TBC1D9B: variants seen among roughly 807,000 people sequenced by gnomAD.
The protein encoded by TBC1D9B is TBC1 domain family member 9B.
Under a neutral mutation model 121.1 loss-of-function variants are expected in TBC1D9B, and 87 were observed. The ratio of observed to expected loss-of-function variants is 0.72; its 90% CI spans 0.60 to 0.86. The LOEUF (loss-of-function observed/expected upper bound fraction) is 0.86, where lower values mean the gene tolerates loss of function less well. TBC1D9B is among the 40% of genes least tolerant of loss of function. The probability of loss-of-function intolerance (pLI) is 0.00; values close to 1 mark genes in which losing one functional copy is unlikely to be tolerated. For synonymous variants in TBC1D9B, 668 were observed against 670.1 expected (o/e 1.00, Z 0.05); for missense variants, 1,540 against 1,628.6 (o/e 0.95, Z 0.94).
intron 7 of TBC1D9B, among the ~76,000 whole-genome samples, chr5:179,886,427 T>C (rs1048696473): frequency 3.9e-5 from 6 of 152,096 alleles, no homozygotes; most frequent in African/African-American, 1.2e-4. Flanking sequence ...TGGGGCCTCA[T>C]GGAGGCAGAG....
chr5:179,894,449 G>T lies in TBC1D9B; in HGVS notation c.514C>A (p.Gln172Lys). The T allele has an allele frequency of 6.2e-7, 1 of 1,614,130 alleles. No homozygotes were observed. Among genetic ancestry groups the T allele is most frequent in the South Asian group, 1.1e-5 (1 of 91,082 alleles). Reference protein sequence around the residue: ...CSYWKGRVPRQGWLYLTVNHL... With the variant: ...CSYWKGRVPRKGWLYLTVNHL... ...TTGACCGTCAGGTACAGCCAGCCCT[G>T]CCGGGGCACGCGGCCCTTCCAGTAG... The change falls in exon 4 of 21, where the codon CAG (glutamine) becomes AAG (lysine). Residue 172 changes from glutamine to lysine, a missense_variant. Gln to Lys is a moderately conservative substitution (Grantham distance 53). Coordinates refer to ENST00000355235, the MANE Select transcript of TBC1D9B (RefSeq NM_015043.4).
intron 8 of TBC1D9B, chr5:179,879,414 TG>T: frequency 9.9e-7 from 1 of 1,011,796 alleles, no homozygotes; most frequent in Non-Finnish European, 1.4e-6. Flanking sequence ...TTCAGAGGCC[TG>T]GAGTCCGTGG....
chr5:179,887,620 C>T (rs1024662120), intron 7 of TBC1D9B: 19 of 168,420 alleles, frequency 1.1e-4, no homozygotes, highest in Non-Finnish European at 1.8e-4. Flanking sequence ...TTCAAATAAT[C>T]AAACCGTGAA....
rs746197345 is a variant in TBC1D9B, at chr5:179,875,156, C to T, written c.1932G>A (p.Glu644=). 1.9e-6 allele frequency: 3 copies of T among 1,613,702 alleles called. No individual in the cohort carries two copies. The highest frequency in any genetic ancestry group is 2.5e-6 in the Non-Finnish European group (3 of 1,180,028). The change falls in exon 12 of 21, where the codon GAG becomes GAA. Residue 644 remains glutamate, a synonymous_variant. Coordinates refer to ENST00000355235, the MANE Select transcript of TBC1D9B (RefSeq NM_015043.4). This position sits in a 1 kb window ranked among gnomAD's most constrained non-coding sequence, Gnocchi z 4.5. ...GCTGCGGCAGGAAGTCTCTCGTGAG[C>T]TCTTCGAAGATGCCTTGGTCCACCA... ...GALVDQGIFE[E]LTRDFLPQLS...
intron 17 of TBC1D9B, 196 bp from the exon 18 acceptor site, chr5:179,868,045 C>CTT (rs982009045): frequency 1.1e-3 from 416 of 363,114 alleles, no homozygotes; most frequent in East Asian, 2.3e-3. Flanking sequence ...CTTTCCTCAG[C>CTT]TTTTTTTTTT....
chr5:179,876,138 A>C, intron 10 of TBC1D9B, 101 bp from the exon 11 acceptor site: 1 of 800,344 alleles, frequency 1.2e-6, no homozygotes, highest in Admixed American at 3.3e-5. Context: ...GCAAGGGCCC[A>C]CATGATCTTC....
At chr5:179,892,011 T>C (rs549819533) in intron 5 of TBC1D9B, among the ~76,000 whole-genome samples, 2 of 152,116 alleles carry the variant, frequency 1.3e-5, no homozygotes, top group East Asian at 1.9e-4. Context: ...GAAACCTAGG[T>C]GAGGAGCTCC....
chr5:179,882,381 G>A (rs897925740), intron 7 of TBC1D9B, among the ~76,000 whole-genome samples: 6 of 152,088 alleles, frequency 3.9e-5, no homozygotes, highest in Admixed American at 3.3e-4. Flanking sequence ...GCTACCACCA[G>A]TCGTTAGGCC....
At chr5:179,876,089 A>G in intron 10 of TBC1D9B, 52 bp from the exon 11 acceptor site, 2 of 1,511,682 alleles carry the variant, frequency 1.3e-6, no homozygotes, top group Non-Finnish European at 1.8e-6. Flanking sequence ...GCCAGCAAAT[A>G]AAACTGTCTC....
chr5:179,866,860 C>G (rs1190378758), intron 18 of TBC1D9B: 1 of 153,498 alleles, frequency 6.5e-6, no homozygotes, highest in South Asian at 2.0e-4. Context: ...GTGCATTATC[C>G]CCCATGTGAA....
intron 3 of TBC1D9B, among the ~76,000 whole-genome samples, chr5:179,896,531 CT>C (rs904477191): frequency 8.4e-4 from 125 of 149,040 alleles, no homozygotes; most frequent in African/African-American, 2.6e-3. Context: ...TGTCTAAATT[CT>C]TTTTTTTTTA....
Position 179,865,965 on chromosome 5 carries a change from T to G in TBC1D9B, c.2864-77A>C, listed in dbSNP as rs1240145345. 1 of 1,565,914 alleles carries G rather than the reference T, an allele frequency of 6.4e-7. No individual in the cohort carries two copies. The highest frequency in any genetic ancestry group is 2.2e-5 in the East Asian group (1 of 44,516). On this transcript the variant is annotated intron_variant, in intron 18 of 20. Coordinates refer to ENST00000355235, the MANE Select transcript of TBC1D9B (RefSeq NM_015043.4). The surrounding 1 kb of genome is among the most constrained non-coding windows in gnomAD (Gnocchi z 5.1). Reference sequence around the variant, plus strand: ...CTGCAAGCTCCTGGGGTCCTTGAGATGTAGTCTGTGTTTCTGTACAGCCAG... The same window carrying G: ...CTGCAAGCTCCTGGGGTCCTTGAGAGGTAGTCTGTGTTTCTGTACAGCCAG...
rs181057507 is a variant in TBC1D9B, at chr5:179,866,133, A to G, written c.2864-245T>C. The G allele has an allele frequency of 7.2e-5, 36 of 501,680 alleles. 1 individual carries two copies. Among genetic ancestry groups the G allele is most frequent in the African/African-American group, 6.7e-4 (34 of 51,098 alleles). 31.1% of individuals were successfully genotyped at this position (501,680 alleles called of 1,614,324 possible). On this transcript the variant is annotated intron_variant, in intron 18 of 20. Coordinates refer to ENST00000355235, the MANE Select transcript of TBC1D9B (RefSeq NM_015043.4). ...TAAAATAAAGGCCGCCAAACCCTCAATTCCTTTTTTCAAATGAATACAAGT... is the reference window on the plus strand; with the variant it reads ...TAAAATAAAGGCCGCCAAACCCTCAGTTCCTTTTTTCAAATGAATACAAGT...
rs764710860 is a variant in TBC1D9B at position 179,873,005 on chromosome 5, G to T, written c.2317-15C>A. On this transcript the variant is annotated splice_polypyrimidine_tract_variant and intron_variant, in intron 13 of 20. Transcript: ENST00000355235. Reference sequence around the variant, plus strand: ...CTGCTGAATTTCTATAGGGAGAGGTGACTTGGTGAGATCAAGCCAACTGCA... The same window carrying T: ...CTGCTGAATTTCTATAGGGAGAGGTTACTTGGTGAGATCAAGCCAACTGCA... The T allele has an allele frequency of 1.2e-6, 2 of 1,613,936 alleles. No individual in the cohort carries two copies. Among genetic ancestry groups the T allele is most frequent in the South Asian group, 2.2e-5 (2 of 91,070 alleles).
intron 1 of TBC1D9B, among the ~76,000 whole-genome samples, chr5:179,905,961 C>A (rs1284551092): frequency 6.6e-6 from 1 of 152,202 alleles, no homozygotes; most frequent in Non-Finnish European, 1.5e-5. Flanking sequence ...CTCACTGCAA[C>A]CTTGACCTCC....
chr5:179,894,680 G>A, intron 3 of TBC1D9B, 66 bp from the exon 4 acceptor site: 1 of 1,555,160 alleles, frequency 6.4e-7, no homozygotes, highest in Non-Finnish European at 8.8e-7. Context: ...GGGTGGAGCA[G>A]AGAGGCCCAG....
Position 179,862,360 on chromosome 5 carries a change from A to T in TBC1D9B, c.*1088T>A. On this transcript the variant is annotated 3_prime_UTR_variant, in exon 21 of 21. Coordinates refer to ENST00000355235, the MANE Select transcript of TBC1D9B (RefSeq NM_015043.4). Reference sequence around the variant, plus strand: ...TCAGCTCCTCATGCAAAGTGAGGGTATCCTTGTGGCTCCAGCCCTGGGGCC... The same window carrying T: ...TCAGCTCCTCATGCAAAGTGAGGGTTTCCTTGTGGCTCCAGCCCTGGGGCC... The T allele has an allele frequency of 3.0e-6, 1 of 336,068 alleles. No homozygotes were observed. Among genetic ancestry groups the T allele is most frequent in the South Asian group, 2.2e-5 (1 of 46,484 alleles). 20.8% of individuals were successfully genotyped at this position (336,068 alleles called of 1,614,324 possible). A position where few individuals can be genotyped will look rare whatever the true frequency, so the allele number is the denominator to read the frequency against.
In TBC1D9B at chr5:179,899,411, C is replaced by T. The variant is rs910695416; in HGVS notation, c.230-104G>A. The T allele has an allele frequency of 8.9e-6, 8 of 902,018 alleles. No homozygotes were observed. In the African/African-American group the frequency reaches 1.2e-4, roughly 13 times the overall value. The allele number at this position is 902,018 out of a possible 1,614,324, so 55.9% of individuals were successfully genotyped here. ...AAGTGGGTGACCTCATTTGCTAAAT[C>T]TAAGTGACCAGAATCTTCAAGCTGC... On this transcript the variant is annotated intron_variant, in intron 2 of 20. Coordinates refer to ENST00000355235, the MANE Select transcript of TBC1D9B (RefSeq NM_015043.4).
chr5:179,869,590 G>A, intron 17 of TBC1D9B, 179 bp downstream of exon 17: 1 of 728,716 alleles, frequency 1.4e-6, no homozygotes, highest in Non-Finnish European at 2.4e-6. Context: ...CCAAGGCCCT[G>A]CTCTCAGACC....
Sources: allele counts gnomAD v4.1 joint callset (sites outside exome capture counted in the v4.1 genomes callset), GRCh38; gene constraint gnomAD v4.1.1; non-coding constraint Gnocchi (gnomAD v3.1); transcripts MANE v1.5; gene names NCBI Gene and HGNC (gene_info 2026-07-23, HGNC 2026-07-21).